Variants in PITPNM3 observed in about 807,000 individuals in gnomAD.
PITPNM3 encodes the protein PITPNM family member 3.
A neutral mutation model predicts 102.0 loss-of-function variants in PITPNM3; 26 were observed. The observed-to-expected ratio is 0.25, with a 90% CI of 0.19 to 0.35. The LOEUF is 0.35. PITPNM3 is among the 10% of genes least tolerant of loss of function. The pLI is 1.00. For missense variants in PITPNM3, 1,083 were observed against 1,346.1 expected (o/e 0.80, Z 3.06); for synonymous variants, 578 against 558.6 (o/e 1.03, Z -0.49).
chr17:6,478,426 T>C lies in PITPNM3; in HGVS notation c.777+121A>G. On this transcript the variant is annotated intron_variant, in intron 7 of 19. Transcript: ENST00000262483. The surrounding 1 kb of genome is among the most constrained non-coding windows in gnomAD (Gnocchi z 4.4). ...AACTCAGAGATCTCAAAAGCCACCTTTGGGCTCAGAGGCTGATTCGAGAAC... is the reference window on the plus strand; with the variant it reads ...AACTCAGAGATCTCAAAAGCCACCTCTGGGCTCAGAGGCTGATTCGAGAAC... 7.7e-7 allele frequency: 1 copy of C among 1,304,522 alleles called. No homozygotes were observed. The highest frequency in any genetic ancestry group is 1.9e-5 in the Admixed American group (1 of 51,488). 80.8% of individuals were successfully genotyped at this position (1,304,522 alleles called of 1,614,324 possible). A position where few individuals can be genotyped will look rare whatever the true frequency, so the allele number is the denominator to read the frequency against.
chr17:6,544,865 TCAC>T, intron 1 of PITPNM3, among the ~76,000 whole-genome samples: 2 of 26,516 alleles, frequency 7.5e-5, no homozygotes, highest in East Asian at 3.2e-3. Flanking sequence ...ACACACACAC[TCAC>T]ACACACACAC....
chr17:6,478,534 C>A lies in PITPNM3; in HGVS notation c.777+13G>T, dbSNP rs749654959. The A allele has an allele frequency of 6.2e-7, 1 of 1,613,552 alleles. No individual in the cohort carries two copies. The highest frequency in any genetic ancestry group is 8.5e-7 in the Non-Finnish European group (1 of 1,179,792). Reference sequence around the variant, plus strand: ...CAGGGGAGGGGAGAGGAGGAGAGGGCAGGCTGTCCTACCTGCCCACTGAAG... The same window carrying A: ...CAGGGGAGGGGAGAGGAGGAGAGGGAAGGCTGTCCTACCTGCCCACTGAAG... On this transcript the variant is annotated intron_variant, in intron 7 of 19. Coordinates refer to ENST00000262483, the MANE Select transcript of PITPNM3 (RefSeq NM_031220.4). The surrounding 1 kb of genome is among the most constrained non-coding windows in gnomAD (Gnocchi z 4.4).
In PITPNM3 at chr17:6,496,223, T is replaced by G. The variant is rs117930271; in HGVS notation, c.274+7304A>C. On this transcript the variant is annotated intron_variant, in intron 4 of 19. Transcript: ENST00000262483. ...TTTGTGTGAGCCTTCCGTTTCCTGC[T>G]AGAACCCTGACTGCATCACGGGCTG... is the stretch of plus-strand genomic sequence containing the variant. 5.3e-5 allele frequency among the ~76,000 whole-genome samples: 8 copies of G among 152,238 alleles called. No individual in the cohort carries two copies. In the East Asian group the frequency reaches 9.7e-4, roughly 18 times the overall value.
intron 3 of PITPNM3, among the ~76,000 whole-genome samples, chr17:6,512,276 C>T (rs1021648540): frequency 6.6e-6 from 1 of 151,644 alleles, no homozygotes; most frequent in African/African-American, 2.4e-5. Context: ...TTTCAGTAAA[C>T]AGACATATTC....
At chr17:6,463,979 G>A in intron 16 of PITPNM3, 98 bp from the exon 17 acceptor site, 1 of 1,566,592 alleles carries the variant, frequency 6.4e-7, no homozygotes, top group Non-Finnish European at 8.7e-7. Context: ...CTCAGTCTGG[G>A]TCAAGGTCAG....
chr17:6,481,459 C>T (rs1905666123), intron 6 of PITPNM3: 1 of 152,308 alleles, frequency 6.6e-6, no homozygotes, highest in Non-Finnish European at 1.5e-5. Flanking sequence ...CACACAGACT[C>T]TTCACAGCCA....
chr17:6,541,093 G>A (rs1477060806), intron 1 of PITPNM3, among the ~76,000 whole-genome samples: 1 of 152,184 alleles, frequency 6.6e-6, no homozygotes, highest in East Asian at 1.9e-4. Flanking sequence ...GATATGTTAA[G>A]ATGGAACATG....
At position 6,472,325 on chromosome 17, in the gene PITPNM3, C is replaced by A. The variant is rs1221383814; in HGVS notation, c.1429+332G>T. ...GGATGGCACACTCTCTGCCCTACCC[C>A]TTCAGAGTCCAGGCTGGGCACTCAT... On this transcript the variant is annotated intron_variant, in intron 11 of 19. Transcript: ENST00000262483. This position sits in a 1 kb window ranked among gnomAD's most constrained non-coding sequence, Gnocchi z 4.1. Among the ~76,000 whole-genome samples the A allele has an allele frequency of 6.6e-6, 1 of 152,140 alleles. No individual in the cohort carries two copies.
chr17:6,487,482 C>G (rs1348609595), intron 4 of PITPNM3, among the ~76,000 whole-genome samples: 1 of 152,176 alleles, frequency 6.6e-6, no homozygotes. Context: ...TCCACACTTG[C>G]CTGCCCTGGT....
intron 8 of PITPNM3, 23 bp downstream of exon 8, chr17:6,477,952 G>A (rs773064845): frequency 1.1e-5 from 17 of 1,609,886 alleles, no homozygotes; most frequent in South Asian, 5.5e-5. Flanking sequence ...TACCCCTCCC[G>A]CGGTCCTGTC....
intron 16 of PITPNM3, 78 bp downstream of exon 16, chr17:6,464,092 C>T: frequency 1.2e-6 from 2 of 1,605,834 alleles, no homozygotes; most frequent in Middle Eastern, 3.3e-4. Context: ...CCCCAAGGAC[C>T]CCATCCTCTA....
chr17:6,502,142 T>A (rs554840640), intron 4 of PITPNM3, among the ~76,000 whole-genome samples: 2 of 152,372 alleles, frequency 1.3e-5, no homozygotes, highest in African/African-American at 4.8e-5. Context: ...TGCCATTGAA[T>A]GCTAGAAGCA....
At chr17:6,474,072 C>T in intron 10 of PITPNM3, among the ~76,000 whole-genome samples, 1 of 151,712 alleles carries the variant, frequency 6.6e-6, no homozygotes, top group Non-Finnish European at 1.5e-5. Context: ...TGAGACCAAC[C>T]TGGCAGTCGT....
rs1187701798 is a variant in PITPNM3 at position 6,478,761 on chromosome 17, G to A, written c.588-25C>T. On this transcript the variant is annotated intron_variant, in intron 6 of 19. Coordinates refer to ENST00000262483, the MANE Select transcript of PITPNM3 (RefSeq NM_031220.4). The surrounding 1 kb of genome is among the most constrained non-coding windows in gnomAD (Gnocchi z 4.4). ...GCTGCAGACAGGGGGCCCAAGGTGA[G>A]CCCAGCCAGGATCGGGCAGGTTGGC... 6.5e-7 allele frequency: 1 copy of A among 1,543,428 alleles called. No homozygotes were observed. Among genetic ancestry groups the A allele is most frequent in the Non-Finnish European group, 8.7e-7 (1 of 1,145,122 alleles).
intron 19 of PITPNM3, among the ~76,000 whole-genome samples, chr17:6,456,514 C>T (rs1436390988): frequency 6.6e-6 from 1 of 152,242 alleles, no homozygotes; most frequent in Non-Finnish European, 1.5e-5. Context: ...GCAGCATCAA[C>T]ACCACCTGGC....
At chr17:6,505,195 A>AATATATATATATATATAT (rs55839764) in intron 3 of PITPNM3, among the ~76,000 whole-genome samples, 3,926 of 135,738 alleles carry the variant, frequency 0.029, 111 homozygotes, top group Non-Finnish European at 0.043. Flanking sequence ...AGACAAATAA[A>AATATATATATATATATAT]ATATATATAT....
Position 6,470,234 on chromosome 17 carries a change from C to T in PITPNM3, c.1773+26G>A. The T allele has an allele frequency of 6.3e-7, 1 of 1,578,358 alleles. No homozygotes were observed. Among genetic ancestry groups the T allele is most frequent in the Non-Finnish European group, 8.6e-7 (1 of 1,161,860 alleles). ...GGTACCCCCTTGGGGTGGCTGTGGG[C>T]AGGCCCGCGACTGCGGCAGCAGTAC... On this transcript the variant is annotated intron_variant, in intron 13 of 19. Coordinates refer to ENST00000262483, the MANE Select transcript of PITPNM3 (RefSeq NM_031220.4). This position sits in a 1 kb window ranked among gnomAD's most constrained non-coding sequence, Gnocchi z 4.8.
chr17:6,491,524 C>T (rs1252809007), intron 4 of PITPNM3, among the ~76,000 whole-genome samples: 2 of 152,142 alleles, frequency 1.3e-5, no homozygotes, highest in African/African-American at 4.8e-5. Context: ...TCGGCTCTGG[C>T]TGAAGCAGGC....
At chr17:6,508,919 C>T (rs916859202) in intron 3 of PITPNM3, among the ~76,000 whole-genome samples, 18 of 152,144 alleles carry the variant, frequency 1.2e-4, no homozygotes, top group South Asian at 1.0e-3. Flanking sequence ...GCTCCCAGGA[C>T]GAGGGTGATT....
Sources: gnomAD v4.1 joint callset for allele counts (sites outside exome capture counted in the v4.1 genomes callset) on GRCh38, gnomAD v4.1.1 for gene constraint, Gnocchi (gnomAD v3.1) non-coding constraint, MANE v1.5 for transcripts, NCBI Gene and HGNC (gene_info 2026-07-23, HGNC 2026-07-21) for gene names.